The following NCOA3 variants were observed in gnomAD, a reference collection of about 807,000 sequenced individuals.
The protein encoded by NCOA3 is CBP-interacting protein.
Under a neutral mutation model 158.8 loss-of-function variants are expected in NCOA3, and 51 were observed. That is an observed-to-expected ratio of 0.32 (90% CI 0.26 to 0.41). The LOEUF is 0.41. NCOA3 is among the 10% of genes least tolerant of loss of function. NCOA3 has a pLI of 1.00. For missense variants in NCOA3, 1,510 were observed against 1,746.6 expected (o/e 0.86, Z 2.41); for synonymous variants, 537 against 592.4 (o/e 0.91, Z 1.36).
At chr20:47,570,982 A>ATGTGTGTG (rs1224807146) in intron 1 of NCOA3, among the ~76,000 whole-genome samples, 75 of 80,442 alleles carry the variant, frequency 9.3e-4, no homozygotes, top group African/African-American at 3.4e-3. Context: ...GTATATACAT[A>ATGTGTGTG]TATGTGTGTG....
At chr20:47,650,949 A>G (rs763039273) in intron 19 of NCOA3, 33 bp from the exon 20 acceptor site, 2 of 1,598,474 alleles carry the variant, frequency 1.3e-6, no homozygotes, top group South Asian at 2.2e-5. Flanking sequence ...TTCTTGCTAT[A>G]TATATGTAAT....
At chr20:47,544,460 G>A (rs1413126066) in intron 1 of NCOA3, among the ~76,000 whole-genome samples, 1 of 151,242 alleles carries the variant, frequency 6.6e-6, no homozygotes, top group Non-Finnish European at 1.5e-5. Context: ...ACAGGCATGT[G>A]TCAGCATGCC....
chr20:47,619,284 A>G lies in NCOA3; in HGVS notation c.-19-2945A>G, dbSNP rs1048593920. On this transcript the variant is annotated intron_variant, in intron 2 of 22. Transcript: ENST00000371998. ...GTTTCTCCATTTGTTTCAGGGATTC[A>G]GCTTATAAACAAAAGCCAAAGTAAG... Among the ~76,000 whole-genome samples the G allele has an allele frequency of 2.6e-5, 4 of 152,320 alleles. No individual in the cohort carries two copies. In the South Asian group the frequency reaches 8.3e-4, roughly 32 times the overall value.
intron 1 of NCOA3, among the ~76,000 whole-genome samples, chr20:47,502,505 G>T (rs1018396076): frequency 6.6e-6 from 1 of 152,110 alleles, no homozygotes; most frequent in Non-Finnish European, 1.5e-5. Flanking sequence ...GTGAGATTTG[G>T]TTGCTGTGTT....
intron 1 of NCOA3, among the ~76,000 whole-genome samples, chr20:47,551,585 T>C (rs945384218): frequency 6.6e-6 from 1 of 152,206 alleles, no homozygotes; most frequent in African/African-American, 2.4e-5. Flanking sequence ...TGTGTGTTTC[T>C]TTATGAAAGT....
intron 2 of NCOA3, among the ~76,000 whole-genome samples, chr20:47,597,619 G>A (rs1345553681): frequency 6.6e-6 from 1 of 151,568 alleles, no homozygotes; most frequent in Non-Finnish European, 1.5e-5. Flanking sequence ...CTCCCGAGTA[G>A]CTGGGATTAC....
intron 1 of NCOA3, among the ~76,000 whole-genome samples, chr20:47,511,525 A>ACATATC (rs2084131646): frequency 3.7e-4 from 1 of 2,674 alleles, no homozygotes; most frequent in Non-Finnish European, 0.014. Context: ...CTCTCTCGAG[A>ACATATC]TATATATATA....
rs377014290 is a variant in NCOA3, at chr20:47,594,664, CAAAAAAAAA to C, written c.-20+11426_-20+11434del. ...TGGGCGACAGAGCGAGACTCTGTCT[CAAAAAAAAA>C]AAAAAAAAAAAAAAAAAAAAAAGAG... On this transcript the variant is annotated intron_variant, in intron 2 of 22. Coordinates refer to ENST00000371998, the MANE Select transcript of NCOA3 (RefSeq NM_181659.3). 9.8e-3 allele frequency among the ~76,000 whole-genome samples: 712 copies of C among 72,776 alleles called. 1 individual carries two copies. Among genetic ancestry groups the C allele is most frequent in the African/African-American group, 0.018 (288 of 16,436 alleles). The allele number at this position is 72,776 out of a possible 152,430, so 47.7% of individuals were successfully genotyped here.
At chr20:47,521,347 CT>C (rs57595765) in intron 1 of NCOA3, among the ~76,000 whole-genome samples, 56 of 148,334 alleles carry the variant, frequency 3.8e-4, no homozygotes, top group Admixed American at 1.3e-3. Flanking sequence ...ATAAGATTTT[CT>C]TTTTTTTTTT....
chr20:47,569,859 A>C (rs1341677908), intron 1 of NCOA3, among the ~76,000 whole-genome samples: 1 of 151,260 alleles, frequency 6.6e-6, no homozygotes, highest in African/African-American at 2.4e-5. Context: ...AAATACAAAA[A>C]ATTAGCTGGA....
chr20:47,602,654 CA>C (rs1422596916), intron 2 of NCOA3, among the ~76,000 whole-genome samples: 3 of 152,104 alleles, frequency 2.0e-5, no homozygotes, highest in Admixed American at 2.0e-4. Flanking sequence ...TTTTCATTTC[CA>C]GACATGATTC....
intron 2 of NCOA3, among the ~76,000 whole-genome samples, chr20:47,602,845 C>T (rs1227736478): frequency 6.6e-6 from 1 of 152,082 alleles, no homozygotes; most frequent in Non-Finnish European, 1.5e-5. Context: ...TATGAGAAGC[C>T]TGAGTTTCTT....
chr20:47,525,716 A>AC (rs3092534), intron 1 of NCOA3, among the ~76,000 whole-genome samples: 3,168 of 67,472 alleles, frequency 0.047, 367 homozygotes, highest in African/African-American at 0.098. Flanking sequence ...CGGGGGGCTG[A>AC]CCCCCCCACC....
chr20:47,539,343 AG>A (rs1462307817), intron 1 of NCOA3, among the ~76,000 whole-genome samples: 3 of 152,198 alleles, frequency 2.0e-5, no homozygotes, highest in Non-Finnish European at 2.9e-5. Context: ...CCCTGTCTCC[AG>A]GAAAAAATAA....
At chr20:47,633,177 C>A (rs142935213) in intron 8 of NCOA3, among the ~76,000 whole-genome samples, 3 of 152,116 alleles carry the variant, frequency 2.0e-5, no homozygotes, top group Non-Finnish European at 4.4e-5. Context: ...AGGTGTGTTC[C>A]AAAGGGGCTC....
chr20:47,647,799 G>T, intron 18 of NCOA3, among the ~76,000 whole-genome samples: 1 of 149,486 alleles, frequency 6.7e-6, no homozygotes, highest in Non-Finnish European at 1.5e-5. Context: ...TTACCCTATT[G>T]TTTTCTTAGT....
chr20:47,514,811 A>G (rs2084206196), intron 1 of NCOA3, among the ~76,000 whole-genome samples: 1 of 146,264 alleles, frequency 6.8e-6, no homozygotes, highest in Non-Finnish European at 1.5e-5. Context: ...CCGCCTCCAG[A>G]GTAGCTGGGA....
intron 2 of NCOA3, among the ~76,000 whole-genome samples, chr20:47,601,011 GTGT>G (rs569037082): frequency 1.3e-5 from 2 of 152,090 alleles, no homozygotes; most frequent in Non-Finnish European, 2.9e-5. Context: ...CTGCTTTCTG[GTGT>G]TCTGTTCTAG....
intron 1 of NCOA3, among the ~76,000 whole-genome samples, chr20:47,540,301 C>T (rs1183006599): frequency 5.3e-5 from 8 of 152,066 alleles, no homozygotes; most frequent in Admixed American, 3.3e-4. Flanking sequence ...GGCTGGGGCG[C>T]GGTGGCTTAC....
Sources: allele counts gnomAD v4.1 joint callset (sites outside exome capture counted in the v4.1 genomes callset), GRCh38; gene constraint gnomAD v4.1.1; transcripts MANE v1.5; gene names NCBI Gene and HGNC (gene_info 2026-07-23, HGNC 2026-07-21).